IGF2BP3: variants seen among roughly 807,000 people sequenced by gnomAD.
IGF2BP3 encodes insulin like growth factor 2 mRNA binding protein 3, also known as insulin-like growth factor 2 mRNA-binding protein 3.
IGF2BP3 carries 9 observed loss-of-function variants against 73.8 expected under a neutral mutation model. The ratio of observed to expected loss-of-function variants is 0.12; its 90% confidence interval spans 0.07 to 0.21. IGF2BP3 has a LOEUF of 0.21. Among genes scored for constraint, IGF2BP3 ranks in the 10% least tolerant of loss-of-function variants. IGF2BP3 has a pLI of 1.00. For synonymous variants in IGF2BP3, 258 were observed against 256.7 expected, an observed-to-expected ratio of 1.01 and a Z score of -0.05; for missense variants, 542 against 714.0, an observed-to-expected ratio of 0.76 and a Z score of 2.75.
At chr7:23,385,552 G>T (rs184339771) in intron 3 of IGF2BP3, among the ~76,000 whole-genome samples, 1 of 152,008 alleles carries the variant, frequency 6.6e-6, no homozygotes, top group East Asian at 1.9e-4. Flanking sequence ...GTACTTCAAG[G>T]ATGAAGTCAG....
intron 5 of IGF2BP3, among the ~76,000 whole-genome samples, chr7:23,354,850 A>G (rs1302429430): frequency 6.6e-6 from 1 of 152,186 alleles, no homozygotes; most frequent in Non-Finnish European, 1.5e-5. Context: ...TCTAATTGCC[A>G]TCTAAGCAGA....
intron 3 of IGF2BP3, chr7:23,415,408 T>C: frequency 5.2e-6 from 1 of 192,580 alleles, no homozygotes; most frequent in Non-Finnish European, 1.1e-5. Context: ...CATCACCGCA[T>C]CCGCAGGTCC....
chr7:23,327,482 C>T (rs994446198), intron 10 of IGF2BP3, among the ~76,000 whole-genome samples: 1 of 151,892 alleles, frequency 6.6e-6, no homozygotes, highest in African/African-American at 2.4e-5. Flanking sequence ...GGGGTTTCAC[C>T]GTGTTAGCCA....
intron 3 of IGF2BP3, among the ~76,000 whole-genome samples, chr7:23,376,582 G>T (rs1785727517): frequency 6.6e-6 from 1 of 150,442 alleles, no homozygotes; most frequent in Non-Finnish European, 1.5e-5. Context: ...AAAAAGCCTT[G>T]AGGCTGGGCA....
chr7:23,383,273 T>C (rs1463928794), intron 3 of IGF2BP3, among the ~76,000 whole-genome samples: 4 of 152,214 alleles, frequency 2.6e-5, no homozygotes, highest in Non-Finnish European at 5.9e-5. Context: ...GAGTAACTTT[T>C]ACAACTCAGT....
chr7:23,440,421 G>A (rs993213554), intron 2 of IGF2BP3, among the ~76,000 whole-genome samples: 27 of 152,224 alleles, frequency 1.8e-4, no homozygotes, highest in African/African-American at 6.5e-4. Context: ...GGGCAACAGA[G>A]AGAGACTCTG....
chr7:23,373,401 G>A (rs1011679860), intron 3 of IGF2BP3, among the ~76,000 whole-genome samples: 2 of 152,106 alleles, frequency 1.3e-5, no homozygotes, highest in Admixed American at 6.6e-5. Flanking sequence ...TGTGTCACAC[G>A]AAAAGACGCT....
At chr7:23,343,169 G>T (rs111780881) in intron 9 of IGF2BP3, among the ~76,000 whole-genome samples, 4 of 152,080 alleles carry the variant, frequency 2.6e-5, no homozygotes, top group Non-Finnish European at 5.9e-5. Flanking sequence ...TGAAATTCTT[G>T]TATCTCCAAG....
chr7:23,374,563 G>A (rs1785657981), intron 3 of IGF2BP3, among the ~76,000 whole-genome samples: 2 of 151,812 alleles, frequency 1.3e-5, no homozygotes, highest in Admixed American at 1.3e-4. Flanking sequence ...TGTACTCCCA[G>A]CTACTCGGGA....
In IGF2BP3 at chr7:23,345,959, T is replaced by C. The variant is rs2128502913; in HGVS notation, c.922A>G (p.Thr308Ala). 2 of 1,612,806 alleles carry C rather than the reference T, an allele frequency of 1.2e-6. No individual in the cohort carries two copies. The highest frequency in any genetic ancestry group is 1.7e-6 in the Non-Finnish European group (2 of 1,179,948). ...ACTCACGGAGATATCGTGATTTTAG[T>C]GTCTGTGTCTTGCTCAATTTTTTTA... ...NLKKIEQDTD[T>A]KITISPLQEL... The change falls in exon 8 of 15, where the codon ACT becomes GCT. Residue 308 changes from threonine (T) to alanine (A), a missense_variant. Thr to Ala is a moderately conservative substitution (Grantham distance 58). Around this residue, in one of 2 missense-constraint regions of IGF2BP3, gnomAD observed 303 missense variants for 472.1 expected, o/e 0.64. Coordinates refer to ENST00000258729, the MANE Select transcript of IGF2BP3 (RefSeq NM_006547.3).
chr7:23,314,144 T>C (rs968099985), intron 12 of IGF2BP3, among the ~76,000 whole-genome samples: 1 of 151,480 alleles, frequency 6.6e-6, no homozygotes, highest in Non-Finnish European at 1.5e-5. Flanking sequence ...CTCAGCCTCC[T>C]GAGTAGCAGA....
At position 23,469,879 on chromosome 7, in the gene IGF2BP3, T is replaced by C; in HGVS notation, c.175+57A>G. On this transcript the variant is annotated intron_variant, in intron 1 of 14. Coordinates refer to ENST00000258729, the MANE Select transcript of IGF2BP3 (RefSeq NM_006547.3). The surrounding 1 kb of genome is among the most constrained non-coding windows in gnomAD (Gnocchi z 6.1). ...GGCCCGCGGAGCCACCCGGTGGGCC[T>C]GGGCGGGCGGTGCAGGGCTGGGGCG... 1 of 1,273,336 alleles carries C rather than the reference T, an allele frequency of 7.9e-7. No homozygotes were observed. The highest frequency in any genetic ancestry group is 2.5e-5 in the South Asian group (1 of 40,356). 78.9% of individuals were successfully genotyped at this position (1,273,336 alleles called of 1,614,324 possible). A position where few individuals can be genotyped will look rare whatever the true frequency, so the allele number is the denominator to read the frequency against.
In IGF2BP3 at chr7:23,347,622, T is replaced by C; in HGVS notation, c.796A>G (p.Lys266Glu). ...ACKSILEIMH[K>E]EAQDIKFTEE... Reference sequence around the variant, plus strand: ...CACAATTTTATATCTTGAGCTTCCTTATGCATAATCTCCAGAATAGACTTA... The same window carrying C: ...CACAATTTTATATCTTGAGCTTCCTCATGCATAATCTCCAGAATAGACTTA... Residue 266 changes from lysine to glutamate, a missense_variant, in exon 7 of 15, where the codon AAG becomes GAG. Coordinates refer to ENST00000258729, the MANE Select transcript of IGF2BP3 (RefSeq NM_006547.3). The C allele has an allele frequency of 1.9e-6, 3 of 1,613,926 alleles. No individual in the cohort carries two copies. Among genetic ancestry groups the C allele is most frequent in the Non-Finnish European group, 2.5e-6 (3 of 1,179,950 alleles).
intron 2 of IGF2BP3, among the ~76,000 whole-genome samples, chr7:23,457,012 G>C (rs1788339028): frequency 1.3e-5 from 2 of 152,070 alleles, no homozygotes; most frequent in Non-Finnish European, 2.9e-5. Flanking sequence ...TCGCGCCACT[G>C]CACTCCAGCC....
In IGF2BP3 at chr7:23,351,456, C is replaced by G; in HGVS notation, c.532G>C (p.Gly178Arg). ...PRGRRGLGQRGSSRQGSPGSV... is the reference protein window; with the variant it reads ...PRGRRGLGQRRSSRQGSPGSV... ...CCTGGAGACCCCTGCCTTGAGGAGC[C>G]CCTCTGCCCAAGCCCCCGGCGACCT... Residue 178 changes from glycine to arginine, a missense_variant, in exon 6 of 15, where the codon GGC becomes CGC. By Grantham distance (125) the Gly-to-Arg change is moderately radical (BLOSUM62 -2). This residue lies in a region of IGF2BP3 where 239 missense variants were observed against 241.9 expected (regional missense o/e 0.99). Coordinates refer to ENST00000258729, the MANE Select transcript of IGF2BP3 (RefSeq NM_006547.3). 6.2e-7 allele frequency: 1 copy of G among 1,613,638 alleles called. No individual in the cohort carries two copies. The highest frequency in any genetic ancestry group is 8.5e-7 in the Non-Finnish European group (1 of 1,179,864).
intron 2 of IGF2BP3, among the ~76,000 whole-genome samples, chr7:23,441,983 C>T (rs531256452): frequency 6.6e-6 from 1 of 151,908 alleles, no homozygotes; most frequent in East Asian, 1.9e-4. Context: ...AAAAATTAGC[C>T]GGGTGTGGTG....
At position 23,361,558 on chromosome 7, in the gene IGF2BP3, T is replaced by A; in HGVS notation, c.377A>T (p.Tyr126Phe). ...DSETAVVNVT[Y>F]SSKDQARQAL... ...CTGTCTAGCTTGGTCCTTACTGGAATAGGTTACATTTACAACTGCAGTTTC... is the reference window on the plus strand; with the variant it reads ...CTGTCTAGCTTGGTCCTTACTGGAAAAGGTTACATTTACAACTGCAGTTTC... Residue 126 changes from tyrosine (Y) to phenylalanine (F), a missense_variant, in exon 5 of 15, where the codon TAT becomes TTT. Physicochemically the swap from Tyr to Phe is conservative, Grantham distance 22. Transcript: ENST00000258729. 1 of 1,612,852 alleles carries A rather than the reference T, an allele frequency of 6.2e-7. No individual in the cohort carries two copies. The highest frequency in any genetic ancestry group is 8.5e-7 in the Non-Finnish European group (1 of 1,179,666).
At chr7:23,418,384 A>G (rs1161137856) in intron 3 of IGF2BP3, among the ~76,000 whole-genome samples, 1 of 152,236 alleles carries the variant, frequency 6.6e-6, no homozygotes, top group Non-Finnish European at 1.5e-5. Context: ...AAAAGGAAGC[A>G]GAATAACATT....
chr7:23,376,855 AC>A (rs775688794), intron 3 of IGF2BP3, among the ~76,000 whole-genome samples: 3 of 152,204 alleles, frequency 2.0e-5, no homozygotes, highest in East Asian at 3.8e-4. Flanking sequence ...TGTCTCAAAG[AC>A]CAAAATTAAC....
Sources: gnomAD v4.1 joint callset for allele counts (sites outside exome capture counted in the v4.1 genomes callset) on GRCh38, gnomAD v4.1.1 for gene constraint, gnomAD v4.1.1 regional missense constraint, Gnocchi (gnomAD v3.1) non-coding constraint, MANE v1.5 for transcripts, NCBI Gene and HGNC (gene_info 2026-07-23, HGNC 2026-07-21) for gene names.